CREB5: variants seen among roughly 807,000 people sequenced by gnomAD.
The protein encoded by CREB5 is cyclic AMP-responsive element-binding protein 5.
CREB5 carries 19 observed loss-of-function variants against 57.1 expected under a neutral mutation model. That is an observed-to-expected ratio of 0.33 (90% CI 0.23 to 0.49). The LOEUF (loss-of-function observed/expected upper bound fraction) is 0.49. Ranked by LOEUF, CREB5 falls within the 20% of genes least tolerant of loss-of-function variation. The pLI, the probability that CREB5 is intolerant of heterozygous loss-of-function variation, is 0.99. For synonymous variants in CREB5, 238 were observed against 238.3 expected (o/e 1.00, Z 0.01); for missense variants, 579 against 671.6 (o/e 0.86, Z 1.52).
chr7:28,562,972 G>A (rs532854180), intron 4 of CREB5, among the ~76,000 whole-genome samples: 237 of 152,296 alleles, frequency 1.6e-3, no homozygotes, highest in Non-Finnish European at 2.6e-3. Flanking sequence ...TGGTTAAGAC[G>A]TCTGAAGCCA....
intron 4 of CREB5, 138 bp downstream of exon 4, chr7:28,507,875 T>G: frequency 9.3e-7 from 1 of 1,071,036 alleles, no homozygotes; most frequent in Non-Finnish European, 1.2e-6. Flanking sequence ...GTCTAATTTT[T>G]TTTAAAAGAT....
chr7:28,811,788 G>C (rs1809135110), intron 9 of CREB5, among the ~76,000 whole-genome samples: 1 of 152,176 alleles, frequency 6.6e-6, no homozygotes, highest in South Asian at 2.1e-4. Flanking sequence ...ATTCAAAATT[G>C]AGTTAATTTG....
chr7:28,792,815 C>G (rs1247097720), intron 7 of CREB5, among the ~76,000 whole-genome samples: 1 of 152,116 alleles, frequency 6.6e-6, no homozygotes, highest in Non-Finnish European at 1.5e-5. Context: ...CTCAGGGAGA[C>G]CAGGCAGTGG....
In CREB5 at chr7:28,376,371, C is replaced by T. The variant is rs143482288; in HGVS notation, c.-25+76930C>T. ...GCAACCTTCACCTCCTGGGTTCAAGCGATTCTCCTGCCTCAGCCTCCTGAG... is the reference window on the plus strand; with the variant it reads ...GCAACCTTCACCTCCTGGGTTCAAGTGATTCTCCTGCCTCAGCCTCCTGAG... On this transcript the variant is annotated intron_variant, in intron 1 of 9. Coordinates refer to the CREB5 transcript ENST00000396299. 2.7e-3 allele frequency among the ~76,000 whole-genome samples: 408 copies of T among 150,108 alleles called. 3 individuals carry two copies. Among genetic ancestry groups the T allele is most frequent in the African/African-American group, 9.4e-3 (385 of 40,880 alleles).
At chr7:28,675,628 T>C (rs773743483) in intron 5 of CREB5, among the ~76,000 whole-genome samples, 2 of 152,118 alleles carry the variant, frequency 1.3e-5, no homozygotes, top group Non-Finnish European at 2.9e-5. Context: ...TAACACCAAA[T>C]AGCCTTTGTT....
intron 5 of CREB5, among the ~76,000 whole-genome samples, chr7:28,641,524 G>T (rs1383000190): frequency 6.6e-6 from 1 of 152,080 alleles, no homozygotes; most frequent in African/African-American, 2.4e-5. Flanking sequence ...GGGTATACTT[G>T]TTCCACTCTG....
At chr7:28,430,739 A>T (rs1276526683) in intron 1 of CREB5, among the ~76,000 whole-genome samples, 1 of 152,204 alleles carries the variant, frequency 6.6e-6, no homozygotes, top group East Asian at 1.9e-4. Flanking sequence ...TCAGTTAGCT[A>T]TTGCTGTATG....
intron 2 of CREB5, among the ~76,000 whole-genome samples, chr7:28,493,369 A>G (rs1791887715): frequency 6.6e-6 from 1 of 152,222 alleles, no homozygotes; most frequent in Non-Finnish European, 1.5e-5. Flanking sequence ...ATAGGCTAGG[A>G]TCTGCTATAA....
At chr7:28,323,084 C>A (rs1785520981) in intron 1 of CREB5, among the ~76,000 whole-genome samples, 1 of 152,168 alleles carries the variant, frequency 6.6e-6, no homozygotes, top group African/African-American at 2.4e-5. Context: ...CCCTCATTTC[C>A]TTCTGTATCC....
At chr7:28,658,953 G>GTATATATATATACA (rs1799449428) in intron 5 of CREB5, among the ~76,000 whole-genome samples, 1 of 99,584 alleles carries the variant, frequency 1.0e-5, no homozygotes, top group East Asian at 3.1e-4. Context: ...GTGTGTGTGT[G>GTATATATATATACA]TATATATATA....
At chr7:28,404,263 G>T (rs1351141750) in intron 1 of CREB5, among the ~76,000 whole-genome samples, 2 of 152,144 alleles carry the variant, frequency 1.3e-5, no homozygotes, top group Non-Finnish European at 2.9e-5. Context: ...TAACACAGGG[G>T]CCTAATGCAG....
chr7:28,583,798 C>A (rs1386419090), intron 5 of CREB5, among the ~76,000 whole-genome samples: 3 of 152,164 alleles, frequency 2.0e-5, no homozygotes, highest in African/African-American at 7.2e-5. Context: ...CCTGCCTCAG[C>A]CTCCAGAGTA....
At chr7:28,363,134 C>T (rs1053507522) in intron 1 of CREB5, among the ~76,000 whole-genome samples, 1 of 152,074 alleles carries the variant, frequency 6.6e-6, no homozygotes, top group Non-Finnish European at 1.5e-5. Context: ...GTAGAGCAGC[C>T]AAATATTTCA....
At chr7:28,611,952 A>G (rs1797408382) in intron 5 of CREB5, among the ~76,000 whole-genome samples, 1 of 152,082 alleles carries the variant, frequency 6.6e-6, no homozygotes, top group Non-Finnish European at 1.5e-5. Context: ...AAGGAAAAGT[A>G]AGTAATACTT....
intron 1 of CREB5, among the ~76,000 whole-genome samples, chr7:28,341,969 G>A (rs1785945602): frequency 6.6e-6 from 1 of 152,136 alleles, no homozygotes; most frequent in Non-Finnish European, 1.5e-5. Flanking sequence ...GGGAAGGGAA[G>A]GAAAAGGCCA....
chr7:28,673,256 A>G (rs1225475689), intron 5 of CREB5, among the ~76,000 whole-genome samples: 1 of 152,222 alleles, frequency 6.6e-6, no homozygotes, highest in Non-Finnish European at 1.5e-5. Flanking sequence ...GTCTAACACA[A>G]TGGCTATCAT....
chr7:28,691,070 G>C (rs1487136672), intron 5 of CREB5, among the ~76,000 whole-genome samples: 1 of 152,194 alleles, frequency 6.6e-6, no homozygotes, highest in African/African-American at 2.4e-5. Flanking sequence ...AATAAAGTGA[G>C]ATGGAGGTGA....
At chr7:28,526,978 T>C (rs575027720) in intron 4 of CREB5, among the ~76,000 whole-genome samples, 39 of 152,338 alleles carry the variant, frequency 2.6e-4, no homozygotes, top group Admixed American at 3.3e-4. Context: ...ACACATACTC[T>C]ACACCCCTTA....
chr7:28,596,673 T>C (rs1320329252), intron 5 of CREB5, among the ~76,000 whole-genome samples: 1 of 152,216 alleles, frequency 6.6e-6, no homozygotes, highest in African/African-American at 2.4e-5. Flanking sequence ...AACTGCTATG[T>C]GACCTTGGAC....
Sources: gnomAD v4.1 joint callset for allele counts (sites outside exome capture counted in the v4.1 genomes callset) on GRCh38, gnomAD v4.1.1 for gene constraint, MANE v1.5 for transcripts, NCBI Gene and HGNC (gene_info 2026-07-23, HGNC 2026-07-21) for gene names.